Variants in OSBPL6 observed in about 807,000 individuals in gnomAD.
The protein encoded by OSBPL6 is oxysterol binding protein like 6, also known as oxysterol-binding protein-related protein 6.
A neutral mutation model predicts 125.8 loss-of-function variants in OSBPL6; 49 were observed. The ratio of observed to expected loss-of-function variants is 0.39; its 90% CI spans 0.31 to 0.49. OSBPL6 has a LOEUF of 0.49. OSBPL6 is among the 20% of genes least tolerant of loss of function. The pLI is 0.88. For synonymous variants in OSBPL6, 394 were observed against 391.8 expected (o/e 1.01, Z -0.07); for missense variants, 986 against 1,135.4 (o/e 0.87, Z 1.89).
chr2:178,376,202 C>A (rs1173807637), intron 15 of OSBPL6, among the ~76,000 whole-genome samples: 1 of 152,106 alleles, frequency 6.6e-6, no homozygotes, highest in Non-Finnish European at 1.5e-5. Context: ...CTGGTACTCA[C>A]AGAACCTCTA....
At chr2:178,204,507 G>A (rs2089432305) in intron 1 of OSBPL6, among the ~76,000 whole-genome samples, 1 of 152,222 alleles carries the variant, frequency 6.6e-6, no homozygotes, top group African/African-American at 2.4e-5. Context: ...GTAACCTAGT[G>A]TAGTCTTTCT....
chr2:178,341,587 G>A (rs1267013800), intron 11 of OSBPL6, among the ~76,000 whole-genome samples: 1 of 152,076 alleles, frequency 6.6e-6, no homozygotes, highest in African/African-American at 2.4e-5. Context: ...AATGGCCTTT[G>A]TAATTCTAGT....
At chr2:178,272,606 T>C (rs2092393934) in intron 1 of OSBPL6, among the ~76,000 whole-genome samples, 1 of 152,116 alleles carries the variant, frequency 6.6e-6, no homozygotes, top group Non-Finnish European at 1.5e-5. Context: ...AGTCGGTAAA[T>C]GCCCTGGGAG....
intron 1 of OSBPL6, among the ~76,000 whole-genome samples, chr2:178,255,825 CT>C (rs1285775922): frequency 2.0e-5 from 3 of 152,242 alleles, no homozygotes; most frequent in African/African-American, 7.2e-5. Context: ...TTCAGTTTCT[CT>C]GCTTTCCCAG....
At chr2:178,239,897 G>A (rs1418822973) in intron 1 of OSBPL6, among the ~76,000 whole-genome samples, 1 of 151,920 alleles carries the variant, frequency 6.6e-6, no homozygotes, top group Non-Finnish European at 1.5e-5. Context: ...AAAGTGCTGG[G>A]ATTACAGGTG....
chr2:178,352,202 A>G (rs771131406), intron 12 of OSBPL6, among the ~76,000 whole-genome samples: 3 of 152,174 alleles, frequency 2.0e-5, no homozygotes, highest in African/African-American at 7.2e-5. Context: ...TGCATTTCCA[A>G]CTGAGGTACG....
chr2:178,331,360 C>G (rs890814834), intron 5 of OSBPL6, among the ~76,000 whole-genome samples, 192 bp from the exon 6 acceptor site: 1 of 152,194 alleles, frequency 6.6e-6, no homozygotes, highest in African/African-American at 2.4e-5. Context: ...GGTAGGTTAA[C>G]AGTATGGAAC....
At chr2:178,216,963 G>C (rs780852500) in intron 1 of OSBPL6, among the ~76,000 whole-genome samples, 18 of 152,202 alleles carry the variant, frequency 1.2e-4, no homozygotes, top group Non-Finnish European at 2.5e-4. Context: ...TCCCAAATTG[G>C]ATCCTGGGCC....
chr2:178,380,456 C>CAAAAAAAA (rs60399092), intron 15 of OSBPL6, among the ~76,000 whole-genome samples: 1 of 25,988 alleles, frequency 3.8e-5, no homozygotes, highest in African/African-American at 1.5e-4. Context: ...GAGTCTGTCT[C>CAAAAAAAA]AAAAAAAAAA....
chr2:178,332,033 C>G (rs1310583032), intron 6 of OSBPL6, among the ~76,000 whole-genome samples: 1 of 152,172 alleles, frequency 6.6e-6, no homozygotes, highest in Non-Finnish European at 1.5e-5. Flanking sequence ...AAAATTATTT[C>G]AAATTGTTTT....
At chr2:178,304,383 C>G (rs961830415) in intron 2 of OSBPL6, among the ~76,000 whole-genome samples, 10 of 152,172 alleles carry the variant, frequency 6.6e-5, no homozygotes, top group Non-Finnish European at 1.5e-4. Context: ...CTTCACATGT[C>G]AGCAGCGAGG....
chr2:178,390,986 A>T, intron 21 of OSBPL6, 87 bp from the exon 22 acceptor site: 1 of 1,549,682 alleles, frequency 6.5e-7, no homozygotes, highest in Non-Finnish European at 8.8e-7. Flanking sequence ...AGGGACTTCA[A>T]GGCTAAGAAA....
chr2:178,331,649 C>T (rs781177304), intron 6 of OSBPL6, 44 bp downstream of exon 6: 3 of 1,591,380 alleles, frequency 1.9e-6, no homozygotes, highest in East Asian at 4.5e-5. Flanking sequence ...ATTTCGAATT[C>T]TGCTTGAAGT....
intron 1 of OSBPL6, among the ~76,000 whole-genome samples, chr2:178,253,341 A>G (rs1425995240): frequency 6.6e-6 from 1 of 152,152 alleles, no homozygotes; most frequent in African/African-American, 2.4e-5. Flanking sequence ...GTATATGAGC[A>G]GAAGTCATCA....
intron 1 of OSBPL6, among the ~76,000 whole-genome samples, chr2:178,218,126 A>C (rs2090165262): frequency 6.6e-6 from 1 of 152,204 alleles, no homozygotes; most frequent in Admixed American, 6.5e-5. Context: ...AGTCCAAAAA[A>C]GTTTTAATTT....
intron 14 of OSBPL6, 59 bp downstream of exon 14, chr2:178,372,292 A>G (rs1351772120): frequency 3.9e-6 from 5 of 1,271,838 alleles, no homozygotes; most frequent in Non-Finnish European, 5.6e-6. Flanking sequence ...AATTTACTGC[A>G]TATTTTTGTT....
chr2:178,198,304 A>AT (rs983724874), intron 1 of OSBPL6, among the ~76,000 whole-genome samples: 29 of 149,024 alleles, frequency 1.9e-4, no homozygotes, highest in African/African-American at 3.2e-4. Flanking sequence ...TGTAGTATCA[A>AT]TTTTTTTTTT....
At position 178,400,811 on chromosome 2, in the gene OSBPL6, G is replaced by T. The variant is rs1035670885; in HGVS notation, c.*5252G>T. 6.6e-6 allele frequency: 1 copy of T among 152,028 alleles called. No homozygotes were observed. Among genetic ancestry groups the T allele is most frequent in the African/African-American group, 2.4e-5 (1 of 41,370 alleles). 9.4% of individuals were successfully genotyped at this position (152,028 alleles called of 1,614,324 possible). On this transcript the variant is annotated 3_prime_UTR_variant, in exon 25 of 25. Coordinates refer to ENST00000190611, the MANE Select transcript of OSBPL6 (RefSeq NM_032523.4). ...GCTTTTATTATTTTTAAAAGTTAGC[G>T]TATTTTCTTATATGTATTGCATATG...
At position 178,349,113 on chromosome 2, in the gene OSBPL6, G is replaced by C. The variant is rs1009749669; in HGVS notation, c.988-111G>C. 1.8e-5 allele frequency: 21 copies of C among 1,149,072 alleles called. No individual in the cohort carries two copies. The Admixed American group carries it at 3.7e-4, about 20-fold the overall frequency. The allele number at this position is 1,149,072 out of a possible 1,614,324, so 71.2% of individuals were successfully genotyped here. Reference sequence around the variant, plus strand: ...ATGAGTACTGAGTGTCTCCAAGTGTGTTATCAGAGAGGAATCTATTATTTT... The same window carrying C: ...ATGAGTACTGAGTGTCTCCAAGTGTCTTATCAGAGAGGAATCTATTATTTT... On this transcript the variant is annotated intron_variant, in intron 11 of 24. Transcript: ENST00000190611.
Sources: gnomAD v4.1 joint callset for allele counts (sites outside exome capture counted in the v4.1 genomes callset) on GRCh38, gnomAD v4.1.1 for gene constraint, MANE v1.5 for transcripts, NCBI Gene and HGNC (gene_info 2026-07-23, HGNC 2026-07-21) for gene names.